SPHKAP: variants seen among roughly 807,000 people sequenced by gnomAD.
SPHKAP encodes the protein SPHK1 interactor, AKAP domain containing.
SPHKAP carries 67 observed loss-of-function variants against 137.5 expected under a neutral mutation model. The ratio of observed to expected loss-of-function variants is 0.49; its 90% CI spans 0.40 to 0.60. SPHKAP has a LOEUF of 0.60. SPHKAP is among the 20% of genes least tolerant of loss of function. SPHKAP has a pLI of 0.00. For synonymous variants in SPHKAP, 813 were observed against 785.3 expected (o/e 1.04, Z -0.59); for missense variants, 2,097 against 2,069.3 (o/e 1.01, Z -0.26).
chr2:228,035,772 G>A lies in SPHKAP; in HGVS notation c.247-8229C>T, dbSNP rs371814318. ...TCTTTGACAAACCTGACAAAAACAAGCAATGGGGAAAGGATTCCCTATTTA... is the reference window on the plus strand; with the variant it reads ...TCTTTGACAAACCTGACAAAAACAAACAATGGGGAAAGGATTCCCTATTTA... On this transcript the variant is annotated intron_variant, in intron 3 of 11. Transcript: ENST00000392056. Among the ~76,000 whole-genome samples the A allele has an allele frequency of 2.2e-3, 338 of 152,248 alleles. 8 individuals are homozygous for A. In the East Asian group the frequency reaches 0.052, roughly 23 times the overall value.
At chr2:228,095,212 C>T (rs768559798) in intron 3 of SPHKAP, among the ~76,000 whole-genome samples, 2 of 152,102 alleles carry the variant, frequency 1.3e-5, no homozygotes, top group Non-Finnish European at 2.9e-5. Flanking sequence ...TGGCCACGTG[C>T]AGATGGGAAT....
In SPHKAP at chr2:228,132,100, A is replaced by G; in HGVS notation, c.33-15T>C. On this transcript the variant is annotated splice_polypyrimidine_tract_variant and intron_variant, in intron 1 of 11. Coordinates refer to ENST00000392056, the MANE Select transcript of SPHKAP (RefSeq NM_001142644.2). Reference sequence around the variant, plus strand: ...ACTCCAAGTTGCTGTTTGTGACCCAAAACACAAAAACACATTCCAGTGAGT... The same window carrying G: ...ACTCCAAGTTGCTGTTTGTGACCCAGAACACAAAAACACATTCCAGTGAGT... 8 of 1,582,110 alleles carry G rather than the reference A, an allele frequency of 5.1e-6. No individual in the cohort carries two copies. Among genetic ancestry groups the G allele is most frequent in the Non-Finnish European group, 6.9e-6 (8 of 1,151,970 alleles).
chr2:228,154,512 C>CTCTATATATATATATATATA (rs1393941364), intron 1 of SPHKAP, among the ~76,000 whole-genome samples: 6 of 22,064 alleles, frequency 2.7e-4, no homozygotes, highest in Non-Finnish European at 4.4e-4. Flanking sequence ...CTCTCTCTCT[C>CTCTATATATATATATATATA]TATATATATA....
intron 3 of SPHKAP, among the ~76,000 whole-genome samples, chr2:228,047,162 A>T (rs1206498406): frequency 6.6e-6 from 1 of 152,186 alleles, no homozygotes; most frequent in East Asian, 1.9e-4. Context: ...ACAAGAAGTT[A>T]CTTTAAAAAT....
intron 3 of SPHKAP, among the ~76,000 whole-genome samples, chr2:228,032,201 C>A (rs1442976777): frequency 6.6e-6 from 1 of 152,136 alleles, no homozygotes; most frequent in Non-Finnish European, 1.5e-5. Flanking sequence ...GCTGATGGAG[C>A]TGAAAGCCAA....
At position 228,036,340 on chromosome 2, in the gene SPHKAP, C is replaced by T. The variant is rs548662756; in HGVS notation, c.247-8797G>A. ...AAGCAAAACCACGATGAGATACCAT[C>T]TCACACCAGTTAGAATGGCAATCAT... On this transcript the variant is annotated intron_variant, in intron 3 of 11. Transcript: ENST00000392056. Among the ~76,000 whole-genome samples, 464 of 152,322 alleles carry T rather than the reference C, an allele frequency of 3.0e-3. 1 individual carries two copies. Among genetic ancestry groups the T allele is most frequent in the African/African-American group, 0.011 (438 of 41,554 alleles).
intron 1 of SPHKAP, among the ~76,000 whole-genome samples, chr2:228,162,732 C>T (rs946788879): frequency 1.3e-5 from 2 of 151,998 alleles, no homozygotes; most frequent in Non-Finnish European, 1.5e-5. Context: ...GAGTTTTACT[C>T]TTGTTGCCCA....
At chr2:228,050,307 T>A (rs1370396457) in intron 3 of SPHKAP, among the ~76,000 whole-genome samples, 1 of 152,168 alleles carries the variant, frequency 6.6e-6, no homozygotes, top group Non-Finnish European at 1.5e-5. Flanking sequence ...AAACTACCAT[T>A]CAACCCAGCA....
chr2:228,135,981 G>A (rs562125034), intron 1 of SPHKAP, among the ~76,000 whole-genome samples: 68 of 152,234 alleles, frequency 4.5e-4, no homozygotes, highest in African/African-American at 1.5e-3. Flanking sequence ...TTACAACATG[G>A]CCCAGTCTGT....
chr2:227,994,060 A>G (rs1693529733), intron 8 of SPHKAP: 1 of 985,244 alleles, frequency 1.0e-6, no homozygotes, highest in African/African-American at 1.7e-5. Flanking sequence ...TTTGACAGAA[A>G]CCAGTGGACT....
chr2:228,083,185 G>A (rs1374133371), intron 3 of SPHKAP, among the ~76,000 whole-genome samples: 1 of 152,136 alleles, frequency 6.6e-6, no homozygotes, highest in Non-Finnish European at 1.5e-5. Context: ...CAATAGATGG[G>A]GTATATTACC....
At chr2:228,003,195 A>G (rs1411207162) in intron 7 of SPHKAP, among the ~76,000 whole-genome samples, 1 of 152,190 alleles carries the variant, frequency 6.6e-6, no homozygotes, top group East Asian at 1.9e-4. Flanking sequence ...CTTCCTACCT[A>G]TGAGCATGGA....
intron 11 of SPHKAP, chr2:227,982,096 C>A: frequency 1.0e-6 from 1 of 981,554 alleles, no homozygotes; most frequent in Non-Finnish European, 1.2e-6. Flanking sequence ...TCATTGACTG[C>A]AGAGGATTAG....
intron 3 of SPHKAP, among the ~76,000 whole-genome samples, chr2:228,073,609 G>T (rs914323535): frequency 2.0e-5 from 3 of 152,220 alleles, no homozygotes; most frequent in African/African-American, 7.2e-5. Flanking sequence ...GAATCTTTGT[G>T]TCTGAATGTA....
rs142804787 is a variant in SPHKAP at position 228,042,637 on chromosome 2, A to G, written c.247-15094T>C. On this transcript the variant is annotated intron_variant, in intron 3 of 11. Transcript: ENST00000392056. ...TTGGTGACTGAGATAGAATATTTAT[A>G]AAGAACCGTCATTTCTGAGAACATA... Among the ~76,000 whole-genome samples, 116 of 152,292 alleles carry G rather than the reference A, an allele frequency of 7.6e-4. 1 individual carries two copies. Among genetic ancestry groups the G allele is most frequent in the Middle Eastern group, 3.4e-3 (1 of 294 alleles).
chr2:227,985,427 C>T (rs546110540), intron 11 of SPHKAP, among the ~76,000 whole-genome samples: 1 of 152,200 alleles, frequency 6.6e-6, no homozygotes, highest in East Asian at 1.9e-4. Context: ...TAGTTCTTTA[C>T]CGGGCTTTTA....
chr2:228,096,743 C>A (rs1697998278), intron 3 of SPHKAP, among the ~76,000 whole-genome samples: 1 of 151,920 alleles, frequency 6.6e-6, no homozygotes, highest in African/African-American at 2.4e-5. Context: ...TGAAAGCAGT[C>A]TCTGGTCTAT....
intron 2 of SPHKAP, 63 bp from the exon 3 acceptor site, chr2:228,109,002 T>C: frequency 2.1e-6 from 2 of 963,264 alleles, no homozygotes. Context: ...ACAGCAGCTC[T>C]CTCTCTTTTT....
intron 1 of SPHKAP, among the ~76,000 whole-genome samples, chr2:228,135,296 A>G (rs1188837140): frequency 7.0e-6 from 1 of 141,866 alleles, no homozygotes; most frequent in Non-Finnish European, 1.6e-5. Context: ...AAAAAAAAGC[A>G]AAAAAGCACT....
Sources: gnomAD v4.1 joint callset for allele counts (sites outside exome capture counted in the v4.1 genomes callset) on GRCh38, gnomAD v4.1.1 for gene constraint, MANE v1.5 for transcripts, NCBI Gene and HGNC (gene_info 2026-07-23, HGNC 2026-07-21) for gene names.